ATP6V0E2: variants seen among roughly 807,000 people sequenced by gnomAD.
ATP6V0E2 encodes the protein ATPase H+ transporting V0 subunit e2.
A neutral mutation model predicts 11.5 loss-of-function variants in ATP6V0E2; 4 were observed. The observed-to-expected ratio is 0.35, with a 90% CI of 0.17 to 0.80. The LOEUF is 0.80. Among genes scored for constraint, ATP6V0E2 ranks in the 30% least tolerant of loss-of-function variants. ATP6V0E2 has a pLI of 0.53. For missense variants in ATP6V0E2, 93 were observed against 113.5 expected (o/e 0.82, Z 0.82); for synonymous variants, 52 against 51.0 (o/e 1.02, Z -0.09).
chr7:149,875,496 T>A, intron 1 of ATP6V0E2, 102 bp from the exon 2 acceptor site: 4 of 1,183,078 alleles, frequency 3.4e-6, no homozygotes, highest in Non-Finnish European at 5.1e-6. Context: ...GGAAGGCCAA[T>A]GGAAAAGAGC....
rs1459671626 is a variant in ATP6V0E2, at chr7:149,874,023, G to T, written c.-43G>T. The T allele has an allele frequency of 6.5e-7, 1 of 1,547,954 alleles. No individual in the cohort carries two copies. The highest frequency in any genetic ancestry group is 1.2e-5 in the South Asian group (1 of 83,994). On this transcript the variant is annotated 5_prime_UTR_variant, in exon 1 of 4. Coordinates refer to ENST00000425642, the MANE Select transcript of ATP6V0E2 (RefSeq NM_145230.4). ...GGGGACCCGCGCACCTGCAGCGCCCGCTGCTCGGCCCTGCATCCTGCCTGG... is the reference window on the plus strand; with the variant it reads ...GGGGACCCGCGCACCTGCAGCGCCCTCTGCTCGGCCCTGCATCCTGCCTGG...
chr7:149,873,544 T>TCC (rs973935574), upstream of ATP6V0E2: 174 of 183,612 alleles, frequency 9.5e-4, no homozygotes, highest in African/African-American at 4.0e-3. Flanking sequence ...GGGACCGCCC[T>TCC]CCCGCTGCGT....
chr7:149,878,656 C>A (rs751727041), intron 2 of ATP6V0E2, 22 bp from the exon 3 acceptor site: 4 of 1,539,068 alleles, frequency 2.6e-6, no homozygotes, highest in Admixed American at 3.7e-5. Context: ...CCAGGCTCAC[C>A]ATGCTTTGCT....
intron 2 of ATP6V0E2, among the ~76,000 whole-genome samples, chr7:149,878,055 C>T (rs933480321): frequency 2.0e-5 from 3 of 152,174 alleles, no homozygotes; most frequent in African/African-American, 7.2e-5. Flanking sequence ...ACTGACAGAG[C>T]GTGGGGACCT....
At position 149,875,734 on chromosome 7, in the gene ATP6V0E2, C is replaced by G. The variant is rs868484302; in HGVS notation, c.152+89C>G. The G allele has an allele frequency of 3.8e-5, 50 of 1,330,790 alleles. 1 individual carries two copies. The highest frequency in any genetic ancestry group is 2.9e-4 in the African/African-American group (20 of 68,732). The allele number at this position is 1,330,790 out of a possible 1,614,324, so 82.4% of individuals were successfully genotyped here. ...ACCCTAGCCTGCTCTTCCTTCTGTC[C>G]TGGTAGTAAATGCCTCTTGAAAGGC... On this transcript the variant is annotated intron_variant, in intron 2 of 3. Transcript: ENST00000425642.
rs2079005023 is a variant in ATP6V0E2, at chr7:149,874,166, G to A, written c.101G>A (p.Arg34His). Residue 34 changes from arginine (R) to histidine (H), a missense_variant, in exon 1 of 4, where the codon CGC becomes CAC. Arg to His is a conservative substitution (Grantham distance 29, BLOSUM62 0). Transcript: ENST00000425642. The part of the protein sequence containing the change: ...GPWFVPKGPN[R>H]GVIITMLVAT... ...TGGTTCGTGCCGAAGGGACCCAACC[G>A]CGGGTAAGGAAAGCGCGCAGGCCCT... 1.3e-6 allele frequency: 2 copies of A among 1,548,510 alleles called. No individual in the cohort carries two copies. Among genetic ancestry groups the A allele is most frequent in the Non-Finnish European group, 1.7e-6 (2 of 1,145,870 alleles).
chr7:149,878,883 C>T (rs931927803), intron 3 of ATP6V0E2, 93 bp downstream of exon 3: 11 of 475,512 alleles, frequency 2.3e-5, no homozygotes, highest in East Asian at 2.2e-4. Flanking sequence ...ATTTTGGATG[C>T]GGCCAACCCA....
At chr7:149,878,469 A>G (rs1207578073) in intron 2 of ATP6V0E2, among the ~76,000 whole-genome samples, 5 of 152,256 alleles carry the variant, frequency 3.3e-5, no homozygotes, top group East Asian at 1.9e-4. Context: ...CCGAACATCA[A>G]ATGAAACCAA....
In ATP6V0E2 at chr7:149,879,546, G is replaced by C. The variant is rs557187139; in HGVS notation, c.*231G>C. 1 of 1,558,484 alleles carries C rather than the reference G, an allele frequency of 6.4e-7. No homozygotes were observed. The highest frequency in any genetic ancestry group is 8.7e-7 in the Non-Finnish European group (1 of 1,153,016). On this transcript the variant is annotated 3_prime_UTR_variant, in exon 4 of 4. Coordinates refer to ENST00000425642, the MANE Select transcript of ATP6V0E2 (RefSeq NM_145230.4). ...CCCTGGGCACAGCAGCGGCCGAGGGGATGTCCTGCTCCAATACCCGCACTG... is the reference window on the plus strand; with the variant it reads ...CCCTGGGCACAGCAGCGGCCGAGGGCATGTCCTGCTCCAATACCCGCACTG...
intron 2 of ATP6V0E2, 59 bp downstream of exon 2, chr7:149,875,704 T>C: frequency 2.6e-6 from 4 of 1,523,874 alleles, no homozygotes; most frequent in Admixed American, 1.7e-5. Flanking sequence ...CCTCCTTTCC[T>C]CCTCACCCTA....
chr7:149,879,724 G>A lies in ATP6V0E2; in HGVS notation c.*409G>A. On this transcript the variant is annotated 3_prime_UTR_variant, in exon 4 of 4. Coordinates refer to ENST00000425642, the MANE Select transcript of ATP6V0E2 (RefSeq NM_145230.4). The stretch of plus-strand genomic sequence containing the variant: ...AGAGGGTGCTCCGGCCCAGGCGGGG[G>A]AGTCAGTGCCCAGTCAGCAGCTCTG... 1.5e-6 allele frequency: 2 copies of A among 1,321,566 alleles called. No individual in the cohort carries two copies. The highest frequency in any genetic ancestry group is 9.8e-7 in the Non-Finnish European group (1 of 1,021,722). 81.9% of individuals were successfully genotyped at this position (1,321,566 alleles called of 1,614,324 possible).
At chr7:149,879,060 G>T in intron 3 of ATP6V0E2, 1 of 1,355,950 alleles carries the variant, frequency 7.4e-7, no homozygotes, top group Non-Finnish European at 9.7e-7. Flanking sequence ...AAAAGAAAAG[G>T]TGGGGAGGGG....
rs1394525894 is a variant in ATP6V0E2, at chr7:149,874,300, G to C, written c.104+131G>C. 3.2e-6 allele frequency: 4 copies of C among 1,245,824 alleles called. No individual in the cohort carries two copies. The African/African-American group carries it at 6.2e-5, about 19-fold the overall frequency. 77.2% of individuals were successfully genotyped at this position (1,245,824 alleles called of 1,614,324 possible). On this transcript the variant is annotated intron_variant, in intron 1 of 3. Coordinates refer to ENST00000425642, the MANE Select transcript of ATP6V0E2 (RefSeq NM_145230.4). ...CAGGAGGGACGCCAGGACCCCGGAC[G>C]CCACCTCTGAGGTCTCTCTGCACCT...
upstream of ATP6V0E2, chr7:149,873,913 C>T: frequency 1.3e-6 from 2 of 1,517,966 alleles, no homozygotes; most frequent in South Asian, 1.3e-5. Context: ...CGGGCTGGAT[C>T]AGGAGATGCG....
At position 149,879,453 on chromosome 7, in the gene ATP6V0E2, G is replaced by A; in HGVS notation, c.*138G>A. 6.3e-7 allele frequency: 1 copy of A among 1,596,678 alleles called. No individual in the cohort carries two copies. ...CCTCCTGCTGGCACCCAGAGACCCG[G>A]ACCCGCAGGGCCTGCCTGGTTCCTG... On this transcript the variant is annotated 3_prime_UTR_variant, in exon 4 of 4. Coordinates refer to ENST00000425642, the MANE Select transcript of ATP6V0E2 (RefSeq NM_145230.4).
chr7:149,879,138 C>T, intron 3 of ATP6V0E2, 197 bp from the exon 4 acceptor site: 1 of 1,399,360 alleles, frequency 7.1e-7, no homozygotes, highest in Non-Finnish European at 9.2e-7. Context: ...AACCATGCTC[C>T]CAGCACCCCC....
chr7:149,876,993 T>G lies in ATP6V0E2; in HGVS notation c.152+1348T>G, dbSNP rs145958572. On this transcript the variant is annotated intron_variant, in intron 2 of 3. Coordinates refer to ENST00000425642, the MANE Select transcript of ATP6V0E2 (RefSeq NM_145230.4). Reference sequence around the variant, plus strand: ...TTTGATGTTATCATAGTTAAAATTGTTTTATCTGATTAGGTCATGGATTCT... The same window carrying G: ...TTTGATGTTATCATAGTTAAAATTGGTTTATCTGATTAGGTCATGGATTCT... 3.5e-4 allele frequency among the ~76,000 whole-genome samples: 54 copies of G among 152,358 alleles called. No homozygotes were observed. In the East Asian group the frequency reaches 0.01, roughly 28 times the overall value.
chr7:149,874,808 C>T (rs1468566368), intron 1 of ATP6V0E2: 1 of 153,262 alleles, frequency 6.5e-6, no homozygotes, highest in Admixed American at 6.5e-5. Flanking sequence ...ACTGGCACAA[C>T]CTGCTTAGTA....
Position 149,875,608 on chromosome 7 carries a change from A to C in ATP6V0E2, c.115A>C (p.Thr39Pro). Residue 39 changes from threonine (T) to proline (P), a missense_variant, in exon 2 of 4, where the codon ACC (threonine) becomes CCC (proline). Physicochemically the swap from Thr to Pro is conservative, Grantham distance 38. Coordinates refer to ENST00000425642, the MANE Select transcript of ATP6V0E2 (RefSeq NM_145230.4). ...PKGPNRGVII[T>P]MLVATAVCCY... ...CCTCTTCTGCTGCAGAGTGATCATC[A>C]CCATGCTGGTCGCCACCGCCGTCTG... 6.2e-7 allele frequency: 1 copy of C among 1,613,780 alleles called. No individual in the cohort carries two copies.
Sources: allele counts gnomAD v4.1 joint callset (sites outside exome capture counted in the v4.1 genomes callset), GRCh38; gene constraint gnomAD v4.1.1; transcripts MANE v1.5; gene names NCBI Gene and HGNC (gene_info 2026-07-23, HGNC 2026-07-21).